The following PKD1 variants were observed in gnomAD, a reference collection of about 807,000 sequenced individuals.
The protein encoded by PKD1 is polycystin 1, transient receptor potential channel interacting, also known as polycystin-1.
In PKD1, 81 loss-of-function variants were observed where a neutral mutation model predicts 361.7. The ratio of observed to expected loss-of-function variants is 0.22; its 90% CI spans 0.19 to 0.27. The LOEUF is 0.27. PKD1 is among the 10% of genes least tolerant of loss of function. The pLI is 1.00. For missense variants in PKD1, 6,399 were observed against 6,118.3 expected, an observed-to-expected ratio of 1.05 and a Z score of -1.53; for synonymous variants, 3,615 against 2,818.3, an observed-to-expected ratio of 1.28 and a Z score of -8.95.
At position 2,105,990 on chromosome 16, in the gene PKD1, T is replaced by G. The variant is rs1317460552; in HGVS notation, c.7738A>C (p.Ser2580Arg). 1.2e-6 allele frequency: 2 copies of G among 1,603,874 alleles called. No individual in the cohort carries two copies. Among genetic ancestry groups the G allele is most frequent in the Non-Finnish European group, 1.7e-6 (2 of 1,179,638 alleles). The change falls in exon 20 of 46, where the codon AGC becomes CGC. Residue 2580 changes from serine (S) to arginine (R), a missense_variant. Physicochemically the swap from Ser to Arg is moderately radical, Grantham distance 110. Coordinates refer to ENST00000262304, the MANE Select transcript of PKD1 (RefSeq NM_001009944.3). The stretch of plus-strand genomic sequence containing the variant: ...AGCCAGACTGTGAGCCCCGTTGCGC[T>G]GCCGTTGGGCTCTGGGAGGGTGATG... ...LAITLPEPNG[S>R]ATGLTVWLHG...
chr16:2,101,917 C>G (rs1281927986), intron 26 of PKD1, 144 bp downstream of exon 26: 23 of 670,166 alleles, frequency 3.4e-5, no homozygotes, highest in Admixed American at 1.5e-4. Context: ...CGAGGTCATT[C>G]CCAGGATGAA....
Position 2,099,978 on chromosome 16 carries a change from C to T in PKD1, c.9806G>A (p.Arg3269Gln), listed in dbSNP as rs550467690. 21 of 1,563,418 alleles carry T rather than the reference C, an allele frequency of 1.3e-5. No homozygotes were observed. The highest frequency in any genetic ancestry group is 1.9e-5 in the Admixed American group (1 of 52,440). The change falls in exon 29 of 46, where the codon CGG (arginine) becomes CAG (glutamine). Residue 3269 changes from arginine to glutamine, a missense_variant. Physicochemically the swap from Arg to Gln is conservative, Grantham distance 43. Coordinates refer to ENST00000262304, the MANE Select transcript of PKD1 (RefSeq NM_001009944.3). ...GCGAGTGAAACGGCTACGAGGCGGCCGGTCCCATATGGAGAGCCAGATGTG... is the reference window on the plus strand; with the variant it reads ...GCGAGTGAAACGGCTACGAGGCGGCTGGTCCCATATGGAGAGCCAGATGTG... The part of the protein sequence containing the change: ...DKHIWLSIWD[R>Q]PPRSRFTRIQ...
At position 2,108,536 on chromosome 16, in the gene PKD1, C is replaced by T. The variant is rs1373324167; in HGVS notation, c.6631G>A (p.Val2211Met). The T allele has an allele frequency of 8.7e-6, 14 of 1,607,570 alleles. No homozygotes were observed. Among genetic ancestry groups the T allele is most frequent in the South Asian group, 6.6e-5 (6 of 90,818 alleles). ...PARVALPGVD[V>M]SRPRLVLPRL... is the part of the protein sequence containing the mutation. Reference sequence around the variant, plus strand: ...GGCAGCACCAGCCGAGGCCGGCTCACGTCCACGCCGGGCAGGGCCACACGC... The same window carrying T: ...GGCAGCACCAGCCGAGGCCGGCTCATGTCCACGCCGGGCAGGGCCACACGC... Residue 2211 changes from valine to methionine, a missense_variant, in exon 15 of 46, where the codon GTG (valine) becomes ATG (methionine). Transcript: ENST00000262304.
chr16:2,115,346 G>A lies in PKD1; in HGVS notation c.2097+32C>T, dbSNP rs530138448. Reference sequence around the variant, plus strand: ...AGACAGGAAGGTGGCCTGAGGAGATGCAGGGAACAGACCCAGGTCAGGGCC... The same window carrying A: ...AGACAGGAAGGTGGCCTGAGGAGATACAGGGAACAGACCCAGGTCAGGGCC... On this transcript the variant is annotated intron_variant, in intron 10 of 45. Transcript: ENST00000262304. 422 of 1,473,590 alleles carry A rather than the reference G, an allele frequency of 2.9e-4. 2 individuals carry two copies. Among genetic ancestry groups the A allele is most frequent in the Non-Finnish European group, 1.1e-5 (12 of 1,079,640 alleles). The allele number at this position is 1,473,590 out of a possible 1,614,324, so 91.3% of individuals were successfully genotyped here.
chr16:2,107,228 G>A (rs2092370493), intron 16 of PKD1: 7 of 510,238 alleles, frequency 1.4e-5, no homozygotes, highest in South Asian at 1.0e-4. Context: ...GAGGGCCCCT[G>A]GGGGGATGCG....
chr16:2,092,799 G>C (rs2091657746), intron 38 of PKD1, 155 bp downstream of exon 38: 2 of 950,980 alleles, frequency 2.1e-6, no homozygotes, highest in Admixed American at 3.6e-5. Context: ...ACGGACCTGT[G>C]TCCCTCCCCT....
chr16:2,093,461 G>A, intron 37 of PKD1, 83 bp downstream of exon 37: 6 of 1,299,184 alleles, frequency 4.6e-6, no homozygotes, highest in Non-Finnish European at 6.5e-6. Context: ...AGGAAAGGGG[G>A]ACAGGAGTGT....
In PKD1 at chr16:2,093,625, G is replaced by A. The variant is rs766568353; in HGVS notation, c.10935C>T (p.Arg3645=). The A allele has an allele frequency of 1.2e-5, 20 of 1,609,564 alleles. No individual in the cohort carries two copies. Among genetic ancestry groups the A allele is most frequent in the East Asian group, 6.7e-5 (3 of 44,802 alleles). The change falls in exon 37 of 46, where the codon CGC becomes CGT. Residue 3645 remains arginine, a synonymous_variant. Coordinates refer to ENST00000262304, the MANE Select transcript of PKD1 (RefSeq NM_001009944.3). ...GTGCAAAGCCGTGGGGTGGCCGTAC[G>A]CGGGGCACACGTGCGCTCACAGGCG... ...AVTPVSARVP[R]VRPPHGFALF...
intron 1 of PKD1, among the ~76,000 whole-genome samples, chr16:2,121,546 G>A (rs920302124): frequency 6.6e-6 from 1 of 152,080 alleles, no homozygotes; most frequent in African/African-American, 2.4e-5. Flanking sequence ...GAAACCACAG[G>A]GCGGCAGCAT....
rs2091249487 is a variant in PKD1 at position 2,088,750 on chromosome 16, CGGGGGTTGG to C, written c.*968_*976del. ...TTTTATTGACTTTGTCTGCTTGGTG[CGGGGGTTGG>C]GGGGGTGTCGAGGCTCTAGAAGCGG... On this transcript the variant is annotated 3_prime_UTR_variant, in exon 46 of 46. Coordinates refer to ENST00000262304, the MANE Select transcript of PKD1 (RefSeq NM_001009944.3). 8.2e-7 allele frequency: 1 copy of C among 1,219,200 alleles called. No homozygotes were observed. Among genetic ancestry groups the C allele is most frequent in the Non-Finnish European group, 1.1e-6 (1 of 884,046 alleles). The allele number at this position is 1,219,200 out of a possible 1,614,324, so 75.5% of individuals were successfully genotyped here.
intron 1 of PKD1, among the ~76,000 whole-genome samples, chr16:2,132,526 G>A (rs1437873339): frequency 1.5e-5 from 2 of 134,922 alleles, no homozygotes; most frequent in Non-Finnish European, 3.1e-5. Context: ...GGTGAGCTGA[G>A]ATCATGCCAC....
intron 34 of PKD1, among the ~76,000 whole-genome samples, chr16:2,095,684 C>G (rs2091817049): frequency 6.6e-6 from 1 of 152,256 alleles, no homozygotes; most frequent in Non-Finnish European, 1.5e-5. Context: ...GGGTCCAGGA[C>G]AAACCCAAGC....
rs777682593 is a variant in PKD1 at position 2,099,842 on chromosome 16, C to T, written c.9923+19G>A. ...AGGGCTGGGCAGGAAGAGGCTGCCCCGACCCCTACGGCACCCACCTGTAGG... is the reference window on the plus strand; with the variant it reads ...AGGGCTGGGCAGGAAGAGGCTGCCCTGACCCCTACGGCACCCACCTGTAGG... On this transcript the variant is annotated intron_variant, in intron 29 of 45. Transcript: ENST00000262304. The T allele has an allele frequency of 1.2e-5, 18 of 1,561,156 alleles. No homozygotes were observed. The highest frequency in any genetic ancestry group is 5.9e-5 in the South Asian group (5 of 85,390).
At position 2,089,999 on chromosome 16, in the gene PKD1, G is replaced by C; in HGVS notation, c.12640C>G (p.Arg4214Gly). Residue 4214 changes from arginine (R) to glycine (G), a missense_variant, in exon 46 of 46, where the codon CGC becomes GGC. By Grantham distance (125) the Arg-to-Gly change is moderately radical. Coordinates refer to ENST00000262304, the MANE Select transcript of PKD1 (RefSeq NM_001009944.3). ...LGTRCEPEPSRLQAVFEALLT... is the reference protein window; with the variant it reads ...LGTRCEPEPSGLQAVFEALLT... The stretch of plus-strand genomic sequence containing the variant: ...AGGGCCTCGAACACGGCTTGGAGGC[G>C]GGAGGGCTCAGGCTCACACCTTGTC... 3 of 1,610,334 alleles carry C rather than the reference G, an allele frequency of 1.9e-6. No homozygotes were observed. The highest frequency in any genetic ancestry group is 1.6e-4 in the Middle Eastern group (1 of 6,062).
rs370843794 is a variant in PKD1 at position 2,103,919 on chromosome 16, G to A, written c.8162-24C>T. The A allele has an allele frequency of 4.8e-4, 641 of 1,344,890 alleles. 4 individuals carry two copies. Among genetic ancestry groups the A allele is most frequent in the South Asian group, 3.2e-3 (268 of 83,276 alleles). The allele number at this position is 1,344,890 out of a possible 1,614,324, so 83.3% of individuals were successfully genotyped here. Reference sequence around the variant, plus strand: ...TCCTGCAGACATGCGTGAGGTCAGTGCAGAGACAGGGAGGTAGAGGGAGGG... The same window carrying A: ...TCCTGCAGACATGCGTGAGGTCAGTACAGAGACAGGGAGGTAGAGGGAGGG... On this transcript the variant is annotated intron_variant, in intron 22 of 45. Transcript: ENST00000262304.
Position 2,088,865 on chromosome 16 carries a change from T to TCGCG in PKD1, c.*858_*861dup. 1.9e-6 allele frequency: 1 copy of TCGCG among 526,582 alleles called. No individual in the cohort carries two copies. The highest frequency in any genetic ancestry group is 3.1e-5 in the East Asian group (1 of 32,664). 32.6% of individuals were successfully genotyped at this position (526,582 alleles called of 1,614,324 possible). A position where few individuals can be genotyped will look rare whatever the true frequency, so the allele number is the denominator to read the frequency against. Reference sequence around the variant, plus strand: ...AGGCTGCCTGGGCCATACAGCACACTCGCGCGTGCGCGCGCGCACACACAC... The same window carrying TCGCG: ...AGGCTGCCTGGGCCATACAGCACACTCGCGCGCGCGTGCGCGCGCGCACACACAC... On this transcript the variant is annotated 3_prime_UTR_variant, in exon 46 of 46. Coordinates refer to ENST00000262304, the MANE Select transcript of PKD1 (RefSeq NM_001009944.3).
rs2092759146 is a variant in PKD1, at chr16:2,123,840, T to A, written c.216-4462A>T. ...GGGAGCCAGGTGCACAGGGACAGCC[T>A]GATGGGTGCCCGAGGGCCAGGATGT... On this transcript the variant is annotated intron_variant, in intron 1 of 45. Transcript: ENST00000262304. Among the ~76,000 whole-genome samples the A allele has an allele frequency of 2.0e-5, 3 of 152,280 alleles. No homozygotes were observed. The South Asian group carries it at 6.2e-4, about 32-fold the overall frequency.
rs1220524467 is a variant in PKD1 at position 2,109,347 on chromosome 16, G to A, written c.5820C>T (p.Phe1940=). The A allele has an allele frequency of 1.3e-6, 2 of 1,591,606 alleles. No individual in the cohort carries two copies. Among genetic ancestry groups the A allele is most frequent in the Admixed American group, 1.7e-5 (1 of 59,778 alleles). ...TCACCACGTGGTCTCCGACGCGGGG[G>A]AAGCTGTGGGAGAAACGGGGCCCGG... ...VLPGPRFSHS[F]PRVGDHVVSV... The change falls in exon 15 of 46, where the codon TTC becomes TTT. Residue 1940 remains phenylalanine (F), a synonymous_variant. Coordinates refer to ENST00000262304, the MANE Select transcript of PKD1 (RefSeq NM_001009944.3).
rs891459596 is a variant in PKD1, at chr16:2,116,062, T to C, written c.1779A>G (p.Glu593=). ...GCCGCCGGAGCTCCTGGGTCCCAAATTCGGCCGTGGTGAGGAAGGCTTCAC... is the reference window on the plus strand; with the variant it reads ...GCCGCCGGAGCTCCTGGGTCCCAAACTCGGCCGTGGTGAGGAAGGCTTCAC... ...LSREAFLTTA[E]FGTQELRRPA... is the part of the protein sequence containing the mutation. The change falls in exon 9 of 46, where the codon GAA becomes GAG. Residue 593 remains glutamate (E), a synonymous_variant. Coordinates refer to ENST00000262304, the MANE Select transcript of PKD1 (RefSeq NM_001009944.3). The C allele has an allele frequency of 1.4e-5, 20 of 1,395,572 alleles. No individual in the cohort carries two copies. In the African/African-American group the frequency reaches 1.6e-4, roughly 11 times the overall value. The allele number at this position is 1,395,572 out of a possible 1,614,324, so 86.4% of individuals were successfully genotyped here. A position where few individuals can be genotyped will look rare whatever the true frequency, so the allele number is the denominator to read the frequency against.
Sources: allele counts gnomAD v4.1 joint callset (sites outside exome capture counted in the v4.1 genomes callset), GRCh38; gene constraint gnomAD v4.1.1; transcripts MANE v1.5; gene names NCBI Gene and HGNC (gene_info 2026-07-23, HGNC 2026-07-21).